Variants in PRKAR1A observed in about 807,000 individuals in gnomAD.
PRKAR1A encodes the protein cAMP-dependent protein kinase type I-alpha regulatory subunit.
A neutral mutation model predicts 52.0 loss-of-function variants in PRKAR1A; 3 were observed. The ratio of observed to expected loss-of-function variants is 0.06; its 90% CI spans 0.03 to 0.15. The LOEUF (loss-of-function observed/expected upper bound fraction) is 0.15, where lower values mean the gene tolerates loss of function less well. Among genes scored for constraint, PRKAR1A ranks in the 10% least tolerant of loss-of-function variants. The pLI is 1.00. For synonymous variants in PRKAR1A, 188 were observed against 168.4 expected, an observed-to-expected ratio of 1.12 and a Z score of -0.90; for missense variants, 240 against 477.4, an observed-to-expected ratio of 0.50 and a Z score of 4.63.
At chr17:68,449,454 G>GAT in the PRKAR1A span, among the ~76,000 whole-genome samples, 1 of 152,186 alleles carries the variant, frequency 6.6e-6, no homozygotes, top group African/African-American at 2.4e-5. Flanking sequence ...GGGAAACACT[G>GAT]TAATATGATT....
intron 11 of PRKAR1A, chr17:68,540,053 C>G: frequency 8.7e-7 from 1 of 1,143,950 alleles, no homozygotes; most frequent in South Asian, 1.3e-5. Context: ...GAACGGAGGC[C>G]TGTCATCACT....
At chr17:68,486,510 T>C in the PRKAR1A span, among the ~76,000 whole-genome samples, 2,208 of 37,180 alleles carry the variant, frequency 0.059, 17 homozygotes, top group Non-Finnish European at 0.073. Context: ...TCCTTCCTTC[T>C]TTCTTTCTTT....
intron 11 of PRKAR1A, among the ~76,000 whole-genome samples, chr17:68,544,032 T>C (rs534749851): frequency 6.6e-6 from 1 of 152,140 alleles, no homozygotes; most frequent in South Asian, 2.1e-4. Flanking sequence ...AGGGAAGAAA[T>C]AGACATTCTT....
the PRKAR1A span, among the ~76,000 whole-genome samples, chr17:68,455,221 A>G: frequency 6.6e-6 from 1 of 151,876 alleles, no homozygotes; most frequent in Non-Finnish European, 1.5e-5. Flanking sequence ...AAATTAGCTG[A>G]GTGTGGTGGT....
the PRKAR1A span, among the ~76,000 whole-genome samples, chr17:68,453,879 T>C: frequency 6.6e-6 from 1 of 152,210 alleles, no homozygotes; most frequent in African/African-American, 2.4e-5. Context: ...TTCATACTAG[T>C]AGCTCTCACA....
Position 68,531,659 on chromosome 17 carries a change from G to C in PRKAR1A, c.*1210G>C. ...TCAAATTGGTCTGAAAGGCTATCCT[G>C]CTGAAAGTCCTGCTTTCCTATCTAG... On this transcript the variant is annotated 3_prime_UTR_variant, in exon 11 of 11. Coordinates refer to ENST00000589228, the MANE Select transcript of PRKAR1A (RefSeq NM_002734.5). 9.4e-7 allele frequency: 1 copy of C among 1,066,172 alleles called. No homozygotes were observed. The highest frequency in any genetic ancestry group is 1.1e-6 in the Non-Finnish European group (1 of 879,506). 66.0% of individuals were successfully genotyped at this position (1,066,172 alleles called of 1,614,324 possible). A position where few individuals can be genotyped will look rare whatever the true frequency, so the allele number is the denominator to read the frequency against.
chr17:68,486,527 T>TCCTTCCTTCCC, the PRKAR1A span, among the ~76,000 whole-genome samples: 6 of 115,252 alleles, frequency 5.2e-5, 1 homozygote, highest in Non-Finnish European at 1.1e-4. Context: ...CTTTCTTTCT[T>TCCTTCCTTCCC]TCTTTCTTTC....
At chr17:68,439,667 C>T in the PRKAR1A span, among the ~76,000 whole-genome samples, 6 of 152,268 alleles carry the variant, frequency 3.9e-5, no homozygotes, top group East Asian at 1.2e-3. Flanking sequence ...TATTTTAAGG[C>T]ATGTTTCAGG....
chr17:68,422,766 G>C, the PRKAR1A span: 1 of 146,900 alleles, frequency 6.8e-6, no homozygotes, highest in African/African-American at 2.5e-5. Context: ...GGGAAGGTCA[G>C]TTTATACCCT....
At chr17:68,439,219 G>A in the PRKAR1A span, among the ~76,000 whole-genome samples, 1 of 152,188 alleles carries the variant, frequency 6.6e-6, no homozygotes, top group Non-Finnish European at 1.5e-5. Context: ...GTCAAAAAGT[G>A]GAAATAACCC....
At chr17:68,464,291 C>T in the PRKAR1A span, among the ~76,000 whole-genome samples, 2 of 152,206 alleles carry the variant, frequency 1.3e-5, no homozygotes, top group Non-Finnish European at 2.9e-5. Flanking sequence ...ACATCCATTC[C>T]TGACCTGATT....
Position 68,543,797 on chromosome 17 carries a change from C to G in PRKAR1A, c.974-7287C>G, listed in dbSNP as rs901331365. 8 of 1,293,102 alleles carry G rather than the reference C, an allele frequency of 6.2e-6. No individual in the cohort carries two copies. In the African/African-American group the frequency reaches 1.2e-4, roughly 19 times the overall value. 80.1% of individuals were successfully genotyped at this position (1,293,102 alleles called of 1,614,324 possible). On this transcript the variant is annotated intron_variant, in intron 11 of 11. Coordinates refer to the PRKAR1A transcript ENST00000585981. ...CTGAGAAGAGAGCTGATGAGCATGA[C>G]CAGCGAGAAAGGAAAACGGGCTTTT...
upstream of PRKAR1A, among the ~76,000 whole-genome samples, chr17:68,507,226 T>C (rs914580922): frequency 1.3e-5 from 2 of 152,176 alleles, no homozygotes; most frequent in Non-Finnish European, 2.9e-5. Context: ...TGTGTGACAA[T>C]AGCAAAGACA....
intron 2 of PRKAR1A, among the ~76,000 whole-genome samples, chr17:68,522,541 G>T (rs536903733): frequency 9.9e-5 from 15 of 152,256 alleles, no homozygotes; most frequent in Admixed American, 9.8e-4. Context: ...CATTAATAAA[G>T]GATAGCATCT....
chr17:68,545,044 A>G (rs763720366), intron 11 of PRKAR1A, among the ~76,000 whole-genome samples: 14 of 152,200 alleles, frequency 9.2e-5, no homozygotes, highest in Non-Finnish European at 1.6e-4. Context: ...TATATTTTCC[A>G]AAGTTAAAGT....
chr17:68,524,889 C>T, intron 5 of PRKAR1A, 23 bp from the exon 6 acceptor site: 1 of 1,579,254 alleles, frequency 6.3e-7, no homozygotes, highest in East Asian at 2.2e-5. Context: ...GAATATGCTT[C>T]TAACTTTTTT....
At chr17:68,484,668 A>G in the PRKAR1A span, among the ~76,000 whole-genome samples, 1 of 152,208 alleles carries the variant, frequency 6.6e-6, no homozygotes, top group African/African-American at 2.4e-5. Flanking sequence ...AAAATGTTCC[A>G]GGTTTTTCAC....
At chr17:68,539,285 T>C in intron 11 of PRKAR1A, 1 of 1,592,798 alleles carries the variant, frequency 6.3e-7, no homozygotes. Context: ...GCAAGCAGCA[T>C]GAAGGGTCAC....
At chr17:68,521,715 A>G (rs2085615474) in intron 2 of PRKAR1A, among the ~76,000 whole-genome samples, 1 of 152,278 alleles carries the variant, frequency 6.6e-6, no homozygotes, top group Non-Finnish European at 1.5e-5. Flanking sequence ...ACAAAGGGGC[A>G]TAATAATGAA....
Sources: allele counts gnomAD v4.1 joint callset (sites outside exome capture counted in the v4.1 genomes callset), GRCh38; gene constraint gnomAD v4.1.1; transcripts MANE v1.5; gene names NCBI Gene and HGNC (gene_info 2026-07-23, HGNC 2026-07-21).